SRRM4: variants seen among roughly 807,000 people sequenced by gnomAD.
SRRM4 encodes serine/arginine repetitive matrix protein 4.
In SRRM4, 33 loss-of-function variants were observed where a neutral mutation model predicts 68.9. That is an observed-to-expected ratio of 0.48 (90% confidence interval 0.36 to 0.64). The LOEUF is 0.64. SRRM4 is among the 30% of genes least tolerant of loss of function. The pLI is 0.00. For missense variants in SRRM4, 817 were observed against 827.1 expected (o/e 0.99, Z 0.15); for synonymous variants, 318 against 318.8 (o/e 1.00, Z 0.03).
rs1954191781 is a variant in SRRM4, at chr12:119,117,899, A to C, written c.437+891A>C. Among the ~76,000 whole-genome samples, 5 of 151,942 alleles carry C rather than the reference A, an allele frequency of 3.3e-5. No individual in the cohort carries two copies. In the South Asian group the frequency reaches 1.0e-3, roughly 32 times the overall value. On this transcript the variant is annotated intron_variant, in intron 4 of 12. Transcript: ENST00000267260. ...TGCACTCCAGCCTGGCAGCAGAGTG[A>C]GACTCTGTCTAAAAAACAAACAAAC...
At chr12:119,106,209 T>C (rs1202544715) in intron 2 of SRRM4, among the ~76,000 whole-genome samples, 1 of 152,240 alleles carries the variant, frequency 6.6e-6, no homozygotes, top group Non-Finnish European at 1.5e-5. Flanking sequence ...TTGGTTACTG[T>C]AGCCTTGTAG....
At chr12:119,046,146 C>A (rs1471095703) in intron 1 of SRRM4, among the ~76,000 whole-genome samples, 1 of 152,156 alleles carries the variant, frequency 6.6e-6, no homozygotes, top group Non-Finnish European at 1.5e-5. Context: ...TATCCCAGGG[C>A]TGGTTTTCAG....
At chr12:119,074,550 T>C (rs553026311) in intron 1 of SRRM4, among the ~76,000 whole-genome samples, 26 of 152,232 alleles carry the variant, frequency 1.7e-4, no homozygotes, top group African/African-American at 6.3e-4. Context: ...AAATCACATA[T>C]ACATATGAAG....
chr12:118,997,827 C>G (rs1429060060), intron 1 of SRRM4, among the ~76,000 whole-genome samples: 1 of 152,124 alleles, frequency 6.6e-6, no homozygotes, highest in Non-Finnish European at 1.5e-5. Flanking sequence ...GTCATTATCT[C>G]CAGTTTACAG....
chr12:119,020,367 C>T (rs928964580), intron 1 of SRRM4, among the ~76,000 whole-genome samples: 1 of 152,204 alleles, frequency 6.6e-6, no homozygotes, highest in Non-Finnish European at 1.5e-5. Context: ...TGATTATGCT[C>T]ACCGTACTAA....
At chr12:119,075,471 T>TGATGAG (rs1565902741) in intron 1 of SRRM4, among the ~76,000 whole-genome samples, 20 of 95,890 alleles carry the variant, frequency 2.1e-4, no homozygotes, top group Non-Finnish European at 4.2e-4. Flanking sequence ...GTGATGATGA[T>TGATGAG]GGTGCTGATG....
At chr12:119,102,176 T>C in intron 1 of SRRM4, 60 bp from the exon 2 acceptor site, 1 of 1,473,564 alleles carries the variant, frequency 6.8e-7, no homozygotes, top group East Asian at 2.3e-5. Flanking sequence ...GAATATTTAA[T>C]GAACATTAAG....
chr12:119,122,296 A>AAGGCAGGAAGGCAGGAAGGC (rs1397501470), intron 6 of SRRM4, among the ~76,000 whole-genome samples, 176 bp downstream of exon 6: 142 of 89,042 alleles, frequency 1.6e-3, no homozygotes, highest in African/African-American at 4.6e-3. Flanking sequence ...GGAAGGCAGG[A>AAGGCAGGAAGGCAGGAAGGC]AGGAAGGAAG....
At chr12:119,135,073 T>C (rs185440486) in intron 8 of SRRM4, among the ~76,000 whole-genome samples, 42 of 152,318 alleles carry the variant, frequency 2.8e-4, no homozygotes, top group African/African-American at 9.9e-4. Flanking sequence ...TGTGAGGTGC[T>C]GGTACCTAGG....
At chr12:119,077,595 T>C (rs932111907) in intron 1 of SRRM4, among the ~76,000 whole-genome samples, 3 of 152,312 alleles carry the variant, frequency 2.0e-5, no homozygotes, top group East Asian at 1.9e-4. Context: ...TTATTATTAA[T>C]GATAACTAGC....
chr12:119,033,509 C>T (rs1565893822), intron 1 of SRRM4, among the ~76,000 whole-genome samples: 1 of 152,158 alleles, frequency 6.6e-6, no homozygotes, highest in East Asian at 1.9e-4. Flanking sequence ...ACTAAAAATA[C>T]AAAAATTAGC....
intron 8 of SRRM4, among the ~76,000 whole-genome samples, chr12:119,134,097 T>A (rs1049681586): frequency 3.3e-5 from 5 of 152,090 alleles, no homozygotes; most frequent in African/African-American, 1.2e-4. Flanking sequence ...GCATGAAGGA[T>A]TTTCTATGCC....
intron 1 of SRRM4, among the ~76,000 whole-genome samples, chr12:119,075,339 A>T (rs1193670618): frequency 6.6e-6 from 1 of 152,034 alleles, no homozygotes; most frequent in African/African-American, 2.4e-5. Flanking sequence ...TCAGCATGGG[A>T]TCTGGACTGG....
chr12:118,982,628 C>A (rs1458216143), intron 1 of SRRM4, among the ~76,000 whole-genome samples: 1 of 150,710 alleles, frequency 6.6e-6, no homozygotes, highest in Non-Finnish European at 1.5e-5. Context: ...AGGGAGGAGC[C>A]TTCCAAGATC....
chr12:119,032,355 T>G (rs943473017), intron 1 of SRRM4, among the ~76,000 whole-genome samples: 1 of 152,204 alleles, frequency 6.6e-6, no homozygotes. Flanking sequence ...ATGTCCCCAG[T>G]GTTTCACCAC....
intron 2 of SRRM4, among the ~76,000 whole-genome samples, chr12:119,106,605 CTGTT>C (rs1337144263): frequency 3.9e-5 from 6 of 152,146 alleles, no homozygotes; most frequent in African/African-American, 1.4e-4. Flanking sequence ...ATTTGGCTCT[CTGTT>C]TGTCTGTTAT....
At chr12:119,097,299 G>C (rs1245600810) in intron 1 of SRRM4, among the ~76,000 whole-genome samples, 1 of 152,202 alleles carries the variant, frequency 6.6e-6, no homozygotes, top group East Asian at 1.9e-4. Context: ...TGATTCCACT[G>C]CAGCGTTGAG....
At chr12:119,070,006 C>T (rs946665971) in intron 1 of SRRM4, among the ~76,000 whole-genome samples, 1 of 151,992 alleles carries the variant, frequency 6.6e-6, no homozygotes, top group Non-Finnish European at 1.5e-5. Flanking sequence ...TGTTAGGGGC[C>T]GGGGGCACTG....
chr12:119,156,612 C>CCGGAGTCGGAGT lies in SRRM4; in HGVS notation c.1655_1656insTCGGAGTCGGAG (p.Ser556_Arg559dup). The stretch of plus-strand genomic sequence containing the variant: ...GCCGCTCGGCCAGCCGCAGCTACTC[C>CCGGAGTCGGAGT]CGGAGCCGGAGTCGGAGCCGGAGCC... On this transcript the variant is annotated inframe_insertion, in exon 13 of 13. Coordinates refer to ENST00000267260, the MANE Select transcript of SRRM4 (RefSeq NM_194286.4). 2 of 1,609,740 alleles carry CCGGAGTCGGAGT rather than the reference C, an allele frequency of 1.2e-6. No individual in the cohort carries two copies. Among genetic ancestry groups the CCGGAGTCGGAGT allele is most frequent in the Non-Finnish European group, 1.7e-6 (2 of 1,179,120 alleles).
Sources: allele counts gnomAD v4.1 joint callset (sites outside exome capture counted in the v4.1 genomes callset), GRCh38; gene constraint gnomAD v4.1.1; transcripts MANE v1.5; gene names NCBI Gene and HGNC (gene_info 2026-07-23, HGNC 2026-07-21).